DNAH12: variants seen among roughly 807,000 people sequenced by gnomAD.
DNAH12 encodes axonemal beta dynein heavy chain 12.
Under a neutral mutation model 371.5 loss-of-function variants are expected in DNAH12, and 285 were observed. The observed-to-expected ratio is 0.77, with a 90% confidence interval of 0.70 to 0.85. The LOEUF (loss-of-function observed/expected upper bound fraction) is 0.85, where lower values mean the gene tolerates loss of function less well. Among genes scored for constraint, DNAH12 ranks in the 40% least tolerant of loss-of-function variants. DNAH12 has a pLI of 0.00. For synonymous variants in DNAH12, 1,200 were observed against 1,213.0 expected, an observed-to-expected ratio of 0.99 and a Z score of 0.22; for missense variants, 3,611 against 3,689.4, an observed-to-expected ratio of 0.98 and a Z score of 0.55.
intron 37 of DNAH12, among the ~76,000 whole-genome samples, chr3:57,418,693 T>A (rs2064470076): frequency 6.6e-6 from 1 of 152,196 alleles, no homozygotes; most frequent in Admixed American, 6.5e-5. Context: ...TTTTTTGTTT[T>A]TTTAAATGAG....
At chr3:57,429,659 C>T in intron 33 of DNAH12, 32 bp downstream of exon 33, 1 of 1,500,296 alleles carries the variant, frequency 6.7e-7, no homozygotes, top group South Asian at 1.4e-5. Flanking sequence ...AAGAAATGAA[C>T]AAACCACCAT....
intron 69 of DNAH12, among the ~76,000 whole-genome samples, chr3:57,305,099 C>T (rs1213056599): frequency 1.3e-5 from 2 of 152,142 alleles, no homozygotes; most frequent in Admixed American, 6.5e-5. Flanking sequence ...GAAAACGGCA[C>T]TTTCGATTTT....
At chr3:57,305,135 C>A (rs1420742300) in intron 69 of DNAH12, among the ~76,000 whole-genome samples, 1 of 152,086 alleles carries the variant, frequency 6.6e-6, no homozygotes, top group Admixed American at 6.5e-5. Context: ...CTAAATAATT[C>A]TTATTGTAAA....
At chr3:57,506,162 G>A (rs2067751715) in intron 8 of DNAH12, among the ~76,000 whole-genome samples, 2 of 152,138 alleles carry the variant, frequency 1.3e-5, no homozygotes, top group Admixed American at 1.3e-4. Context: ...CAAACAACAT[G>A]GTAAAGACTG....
At chr3:57,302,532 TATATATATA>T (rs1559535172) in intron 69 of DNAH12, among the ~76,000 whole-genome samples, 556 of 37,840 alleles carry the variant, frequency 0.015, 52 homozygotes, top group African/African-American at 0.036. Context: ...ATCAGGTGTA[TATATATATA>T]TATATATATA....
chr3:57,552,696 G>A, the DNAH12 span, among the ~76,000 whole-genome samples: 66 of 151,694 alleles, frequency 4.4e-4, no homozygotes, highest in African/African-American at 1.5e-3. Context: ...GATCGCTTGA[G>A]CCCAGGAGTT....
intron 15 of DNAH12, among the ~76,000 whole-genome samples, chr3:57,471,076 A>T (rs1167510823): frequency 6.6e-6 from 1 of 152,016 alleles, no homozygotes; most frequent in Non-Finnish European, 1.5e-5. Flanking sequence ...AATTATGTCT[A>T]CTCTACAAAT....
chr3:57,426,848 A>AG lies in DNAH12; in HGVS notation c.5254-1708_5254-1707insC, dbSNP rs2064786413. The stretch of plus-strand genomic sequence containing the variant: ...TCTCAGAAAAAAAAAAAAAAAAAAA[A>AG]TCTGGGGACTGGATGAGAAAGAACT... On this transcript the variant is annotated intron_variant, in intron 34 of 73. Transcript: ENST00000495027. Among the ~76,000 whole-genome samples the AG allele has an allele frequency of 2.1e-5, 3 of 144,000 alleles. No homozygotes were observed. The South Asian group carries it at 6.5e-4, about 31-fold the overall frequency. The allele number at this position is 144,000 out of a possible 152,430, so 94.5% of individuals were successfully genotyped here. A position where few individuals can be genotyped will look rare whatever the true frequency, so the allele number is the denominator to read the frequency against.
chr3:57,495,683 T>C (rs1406598531), intron 11 of DNAH12, among the ~76,000 whole-genome samples: 1 of 145,892 alleles, frequency 6.9e-6, no homozygotes, highest in Non-Finnish European at 1.5e-5. Context: ...TCAAAGTTGT[T>C]ATACCATTTA....
At chr3:57,474,411 C>T (rs1162678075) in intron 13 of DNAH12, among the ~76,000 whole-genome samples, 1 of 152,088 alleles carries the variant, frequency 6.6e-6, no homozygotes, top group Admixed American at 6.5e-5. Flanking sequence ...ATTCTCTTGC[C>T]TCAGCCTCCC....
At chr3:57,412,860 T>G (rs959896236) in intron 39 of DNAH12, among the ~76,000 whole-genome samples, 1 of 152,206 alleles carries the variant, frequency 6.6e-6, no homozygotes, top group African/African-American at 2.4e-5. Context: ...GGTATGGTTA[T>G]TTTGGAAGGT....
chr3:57,334,350 T>A, intron 62 of DNAH12, 115 bp downstream of exon 62: 1 of 1,164,600 alleles, frequency 8.6e-7, no homozygotes, highest in African/African-American at 1.6e-5. Flanking sequence ...CTCAATGAAC[T>A]GTAAGCTGGA....
chr3:57,440,666 T>G (rs1372148654), intron 29 of DNAH12, among the ~76,000 whole-genome samples: 1 of 152,140 alleles, frequency 6.6e-6, no homozygotes, highest in Non-Finnish European at 1.5e-5. Context: ...ATGTACCCCT[T>G]GAATCTAAAA....
chr3:57,335,552 T>C (rs2153308606), intron 60 of DNAH12, among the ~76,000 whole-genome samples: 1 of 152,352 alleles, frequency 6.6e-6, no homozygotes, highest in Non-Finnish European at 1.5e-5. Context: ...TGGTATAGCC[T>C]GTTGCTCCTA....
intron 66 of DNAH12, among the ~76,000 whole-genome samples, chr3:57,313,667 C>A (rs2061626526): frequency 6.6e-6 from 1 of 151,958 alleles, no homozygotes; most frequent in Admixed American, 6.6e-5. Flanking sequence ...CTTATCTGGG[C>A]ATGGTGGCAT....
chr3:57,481,766 G>A (rs1259066644), intron 13 of DNAH12, among the ~76,000 whole-genome samples: 15 of 151,630 alleles, frequency 9.9e-5, no homozygotes, highest in Admixed American at 3.3e-4. Flanking sequence ...AAATAATGCC[G>A]CATATCTACA....
intron 65 of DNAH12, among the ~76,000 whole-genome samples, chr3:57,317,442 T>G (rs1025883469): frequency 2.1e-4 from 32 of 152,330 alleles, no homozygotes; most frequent in African/African-American, 7.2e-4. Flanking sequence ...CTATTTTTGA[T>G]ACCCTATATA....
intron 59 of DNAH12, among the ~76,000 whole-genome samples, chr3:57,352,703 G>A (rs1301173188): frequency 3.9e-5 from 6 of 151,936 alleles, no homozygotes; most frequent in African/African-American, 1.5e-4. Context: ...AGGCTCTATG[G>A]TAGGGAGGGA....
chr3:57,363,665 C>G lies in DNAH12; in HGVS notation c.9289G>C (p.Glu3097Gln), dbSNP rs889681144. The G allele has an allele frequency of 1.2e-4, 18 of 152,184 alleles. No homozygotes were observed. Among genetic ancestry groups the G allele is most frequent in the East Asian group, 7.7e-4 (4 of 5,182 alleles). The allele number at this position is 152,184 out of a possible 1,614,324, so 9.4% of individuals were successfully genotyped here. Residue 3097 changes from glutamate to glutamine, a missense_variant, in exon 58 of 74, where the codon GAA becomes CAA. Physicochemically the swap from Glu to Gln is conservative, Grantham distance 29. Coordinates refer to ENST00000495027, the MANE Select transcript of DNAH12 (RefSeq NM_001366028.2). Reference protein sequence around the residue: ...TLSSSEGNILEDESAIKVLDS... With the variant: ...TLSSSEGNILQDESAIKVLDS... ...AAGACTTTAATTGCACTTTCATCTTCTAAAATGTTTCCTTCTGATGATGAT... is the reference window on the plus strand; with the variant it reads ...AAGACTTTAATTGCACTTTCATCTTGTAAAATGTTTCCTTCTGATGATGAT...
Sources: allele counts gnomAD v4.1 joint callset (sites outside exome capture counted in the v4.1 genomes callset), GRCh38; gene constraint gnomAD v4.1.1; transcripts MANE v1.5; gene names NCBI Gene and HGNC (gene_info 2026-07-23, HGNC 2026-07-21).